Variants in SPOCK3 observed in about 807,000 individuals in gnomAD.
SPOCK3 encodes testican-3.
SPOCK3 carries 30 observed loss-of-function variants against 56.6 expected under a neutral mutation model. The ratio of observed to expected loss-of-function variants is 0.53; its 90% confidence interval spans 0.40 to 0.72. SPOCK3 has a LOEUF of 0.72. Ranked by LOEUF, SPOCK3 falls within the 30% of genes least tolerant of loss-of-function variation. SPOCK3 has a pLI of 0.00. For missense variants in SPOCK3, 527 were observed against 530.0 expected, an observed-to-expected ratio of 0.99 and a Z score of 0.06; for synonymous variants, 196 against 183.3, an observed-to-expected ratio of 1.07 and a Z score of -0.56.
intron 6 of SPOCK3, among the ~76,000 whole-genome samples, chr4:166,834,008 T>A (rs554758737): frequency 6.6e-6 from 1 of 152,300 alleles, no homozygotes; most frequent in East Asian, 1.9e-4. Flanking sequence ...GTTTCCAATA[T>A]CTTACTCAGA....
chr4:167,157,408 A>C (rs1285986817), intron 2 of SPOCK3, among the ~76,000 whole-genome samples: 1 of 151,966 alleles, frequency 6.6e-6, no homozygotes, highest in African/African-American at 2.4e-5. Context: ...ATAAAACAAC[A>C]CTTGCATAAA....
chr4:166,984,233 T>A (rs1316087326), intron 4 of SPOCK3, among the ~76,000 whole-genome samples: 4 of 152,106 alleles, frequency 2.6e-5, no homozygotes, highest in African/African-American at 9.6e-5. Flanking sequence ...AGTTTATTCA[T>A]CTTTATAATG....
At chr4:167,117,327 C>G (rs962294516) in intron 2 of SPOCK3, among the ~76,000 whole-genome samples, 4 of 152,072 alleles carry the variant, frequency 2.6e-5, no homozygotes, top group African/African-American at 9.7e-5. Flanking sequence ...GCCCTAGTCA[C>G]AAAATGTGTT....
intron 4 of SPOCK3, among the ~76,000 whole-genome samples, chr4:166,928,956 A>C (rs1226099783): frequency 1.3e-5 from 2 of 151,686 alleles, no homozygotes; most frequent in Non-Finnish European, 1.5e-5. Context: ...CGATAGAGTG[A>C]GACTCTGCCT....
At chr4:167,230,924 T>G (rs548253887) in intron 2 of SPOCK3, among the ~76,000 whole-genome samples, 1 of 152,198 alleles carries the variant, frequency 6.6e-6, no homozygotes, top group African/African-American at 2.4e-5. Context: ...TAACACCTAC[T>G]CATTGCAAGC....
In SPOCK3 at chr4:166,733,795, T is replaced by C. The variant is rs1015803671; in HGVS notation, c.*1126A>G. ...AGTCCACATGGCAATTATGTAACAATAGAAAAAAAGAAACAAACGTATCCC... is the reference window on the plus strand; with the variant it reads ...AGTCCACATGGCAATTATGTAACAACAGAAAAAAAGAAACAAACGTATCCC... On this transcript the variant is annotated 3_prime_UTR_variant, in exon 11 of 11. Transcript: ENST00000357545. The C allele has an allele frequency of 3.3e-5, 5 of 152,282 alleles. No individual in the cohort carries two copies. Among genetic ancestry groups the C allele is most frequent in the African/African-American group, 1.2e-4 (5 of 41,526 alleles). The allele number at this position is 152,282 out of a possible 1,614,324, so 9.4% of individuals were successfully genotyped here.
intron 2 of SPOCK3, among the ~76,000 whole-genome samples, chr4:167,231,258 C>T (rs183825097): frequency 6.6e-6 from 1 of 151,986 alleles, no homozygotes; most frequent in African/African-American, 2.4e-5. Flanking sequence ...ACAGTTCAAA[C>T]TTTCATTAAG....
At chr4:166,881,990 T>G (rs28716663) in intron 6 of SPOCK3, among the ~76,000 whole-genome samples, 1 of 152,120 alleles carries the variant, frequency 6.6e-6, no homozygotes, top group South Asian at 2.1e-4. Context: ...GTAGATCATA[T>G]TTTTTAAGAT....
intron 3 of SPOCK3, among the ~76,000 whole-genome samples, chr4:167,033,463 T>C (rs11722292): frequency 0.27 from 40,319 of 150,960 alleles, 6,689 homozygotes; most frequent in East Asian, 0.5. Flanking sequence ...CAAGGCTTCA[T>C]TGATCTTGTT....
chr4:167,025,496 T>C (rs574833491), intron 3 of SPOCK3, among the ~76,000 whole-genome samples: 82 of 152,172 alleles, frequency 5.4e-4, no homozygotes, highest in African/African-American at 1.9e-3. Context: ...TTAGAAATAA[T>C]ATGTATAACG....
intron 3 of SPOCK3, among the ~76,000 whole-genome samples, chr4:167,019,417 TAC>T (rs1298339684): frequency 1.3e-5 from 2 of 152,002 alleles, no homozygotes; most frequent in Admixed American, 6.6e-5. Context: ...TATAAATATA[TAC>T]AGTTAGATAT....
At chr4:167,169,553 T>C (rs1474501397) in intron 2 of SPOCK3, among the ~76,000 whole-genome samples, 1 of 152,200 alleles carries the variant, frequency 6.6e-6, no homozygotes, top group Non-Finnish European at 1.5e-5. Flanking sequence ...ATCTGGGAAG[T>C]AACTAACTTG....
intron 2 of SPOCK3, among the ~76,000 whole-genome samples, chr4:167,222,074 A>G (rs1417987548): frequency 6.6e-6 from 1 of 152,158 alleles, no homozygotes; most frequent in Admixed American, 6.6e-5. Flanking sequence ...TTATTGACAG[A>G]TAAGTGGACA....
intron 2 of SPOCK3, among the ~76,000 whole-genome samples, chr4:167,148,756 T>G (rs1328106932): frequency 1.3e-5 from 2 of 152,156 alleles, no homozygotes; most frequent in Non-Finnish European, 2.9e-5. Flanking sequence ...TGTTTTTTCT[T>G]TGAATATAGT....
chr4:167,063,143 C>A (rs1329494951), intron 2 of SPOCK3, among the ~76,000 whole-genome samples: 2 of 151,608 alleles, frequency 1.3e-5, no homozygotes, highest in Non-Finnish European at 2.9e-5. Context: ...TTAAGTCCTG[C>A]CTAAAGTTTA....
intron 3 of SPOCK3, among the ~76,000 whole-genome samples, chr4:167,040,225 C>G (rs768689683): frequency 1.3e-5 from 2 of 152,152 alleles, no homozygotes; most frequent in Non-Finnish European, 2.9e-5. Flanking sequence ...AAGGCAATAG[C>G]TAGCTCATCT....
intron 7 of SPOCK3, among the ~76,000 whole-genome samples, chr4:166,762,357 G>T (rs1737352318): frequency 6.6e-6 from 1 of 152,068 alleles, no homozygotes; most frequent in African/African-American, 2.4e-5. Context: ...CATGAATAAA[G>T]CAATGTTGGT....
intron 2 of SPOCK3, among the ~76,000 whole-genome samples, chr4:167,163,562 C>T (rs1765506117): frequency 6.6e-6 from 1 of 151,890 alleles, no homozygotes; most frequent in South Asian, 2.1e-4. Context: ...ATTAACTCTC[C>T]CCACTTTCCC....
chr4:167,007,360 T>A (rs1019712944), intron 3 of SPOCK3, among the ~76,000 whole-genome samples: 6 of 152,236 alleles, frequency 3.9e-5, no homozygotes, highest in African/African-American at 1.4e-4. Flanking sequence ...AGATTATTCA[T>A]AATGCCTAAT....
Sources: allele counts gnomAD v4.1 joint callset (sites outside exome capture counted in the v4.1 genomes callset), GRCh38; gene constraint gnomAD v4.1.1; transcripts MANE v1.5; gene names NCBI Gene and HGNC (gene_info 2026-07-23, HGNC 2026-07-21).